APAF1: variants seen among roughly 807,000 people sequenced by gnomAD.
APAF1 encodes apoptotic peptidase activating factor 1.
A neutral mutation model predicts 152.4 loss-of-function variants in APAF1; 91 were observed. That is an observed-to-expected ratio of 0.60 (90% CI 0.50 to 0.71). APAF1 has a LOEUF of 0.71. APAF1 is among the 30% of genes least tolerant of loss of function. The pLI, the probability that APAF1 is intolerant of heterozygous loss-of-function variation, is 0.00. For synonymous variants in APAF1, 484 were observed against 494.1 expected (o/e 0.98, Z 0.27); for missense variants, 1,283 against 1,472.0 (o/e 0.87, Z 2.10).
At chr12:98,684,406 A>C (rs1593064375) in intron 15 of APAF1, among the ~76,000 whole-genome samples, 15 of 130,410 alleles carry the variant, frequency 1.2e-4, no homozygotes, top group African/African-American at 1.7e-4. Context: ...CTCTCCCTCT[A>C]TCCCTTTCCC....
chr12:98,649,612 A>G lies in APAF1; in HGVS notation c.454A>G (p.Ile152Val). The G allele has an allele frequency of 6.2e-7, 1 of 1,614,182 alleles. No individual in the cohort carries two copies. The highest frequency in any genetic ancestry group is 1.3e-5 in the African/African-American group (1 of 75,070). Reference sequence around the variant, plus strand: ...GAAAGGTGAACCAGGATGGGTCACCATACATGGAATGGCAGGCTGTGGGAA... The same window carrying G: ...GAAAGGTGAACCAGGATGGGTCACCGTACATGGAATGGCAGGCTGTGGGAA... The part of the protein sequence containing the change: ...KLKGEPGWVT[I>V]HGMAGCGKSV... The change falls in exon 4 of 27, where the codon ATA (isoleucine) becomes GTA (valine). Residue 152 changes from isoleucine to valine, a missense_variant. Coordinates refer to ENST00000551964, the MANE Select transcript of APAF1 (RefSeq NM_181861.2).
intron 14 of APAF1, among the ~76,000 whole-genome samples, chr12:98,681,325 G>T (rs545126539): frequency 6.6e-6 from 1 of 152,280 alleles, no homozygotes; most frequent in Admixed American, 6.5e-5. Context: ...GACTCCCAAA[G>T]TGCTGAGATT....
In APAF1 at chr12:98,694,164, TAAA is replaced by T. The variant is rs983349886; in HGVS notation, c.2305-5242_2305-5240del. On this transcript the variant is annotated intron_variant, in intron 16 of 26. Transcript: ENST00000551964. ...ATTTAAATATATGACCTCAAGCTAT[TAAA>T]ATCCTAGAAGAAAACCTAGGAAATA... 3.1e-3 allele frequency among the ~76,000 whole-genome samples: 472 copies of T among 152,310 alleles called. 4 individuals are homozygous for T. The highest frequency in any genetic ancestry group is 0.011 in the African/African-American group (453 of 41,574).
chr12:98,673,448 A>C (rs944975595), intron 12 of APAF1, among the ~76,000 whole-genome samples: 30 of 151,864 alleles, frequency 2.0e-4, no homozygotes, highest in African/African-American at 3.4e-4. Context: ...AAAACAAAAA[A>C]AAAAAAAACA....
intron 17 of APAF1, 42 bp from the exon 18 acceptor site, chr12:98,703,328 TA>T (rs1565884591): frequency 6.2e-7 from 1 of 1,607,590 alleles, no homozygotes; most frequent in Admixed American, 1.7e-5. Flanking sequence ...GCTTATCTCT[TA>T]AAGTATTTTA....
At chr12:98,701,784 C>G (rs1025569324) in intron 17 of APAF1, among the ~76,000 whole-genome samples, 1 of 152,132 alleles carries the variant, frequency 6.6e-6, no homozygotes, top group Non-Finnish European at 1.5e-5. Context: ...ATTTCTTACC[C>G]TTTGGTCTCT....
rs369419996 is a variant in APAF1 at position 98,648,614 on chromosome 12, A to G, written c.139-12A>G. ...TTCATTGTTGTATACTAAACTACTTAATTTTTTTTAGCCCACTCAACAGCA... is the reference window on the plus strand; with the variant it reads ...TTCATTGTTGTATACTAAACTACTTGATTTTTTTTAGCCCACTCAACAGCA... On this transcript the variant is annotated splice_polypyrimidine_tract_variant and intron_variant, in intron 2 of 26. Transcript: ENST00000551964. 2 of 1,613,022 alleles carry G rather than the reference A, an allele frequency of 1.2e-6. No individual in the cohort carries two copies. Among genetic ancestry groups the G allele is most frequent in the Non-Finnish European group, 1.7e-6 (2 of 1,179,674 alleles).
chr12:98,686,906 A>C, intron 16 of APAF1, 33 bp downstream of exon 16: 10 of 1,604,492 alleles, frequency 6.2e-6, no homozygotes, highest in Non-Finnish European at 8.5e-6. Context: ...AATAGGTTGT[A>C]TTTTATGGAA....
intron 20 of APAF1, among the ~76,000 whole-genome samples, chr12:98,709,773 T>A (rs1593097531): frequency 6.6e-6 from 1 of 152,182 alleles, no homozygotes; most frequent in African/African-American, 2.4e-5. Context: ...GGAGGTGGCA[T>A]GGCTTTTATG....
intron 14 of APAF1, among the ~76,000 whole-genome samples, chr12:98,682,044 A>AT (rs1201758624): frequency 0.017 from 2,460 of 140,700 alleles, 82 homozygotes; most frequent in African/African-American, 0.064. Flanking sequence ...ATGATGATTA[A>AT]TTTTTTTGTT....
intron 15 of APAF1, 95 bp downstream of exon 15, chr12:98,683,369 C>T: frequency 8.1e-7 from 1 of 1,240,490 alleles, no homozygotes; most frequent in Non-Finnish European, 1.2e-6. Context: ...TTAGGACTTT[C>T]TGGTCACAAT....
At chr12:98,716,437 C>T (rs1472128374) in intron 22 of APAF1, among the ~76,000 whole-genome samples, 5 of 152,160 alleles carry the variant, frequency 3.3e-5, no homozygotes, top group Admixed American at 6.5e-5. Flanking sequence ...TTTGCCTTAA[C>T]GCAATTTAGG....
At chr12:98,698,352 C>T (rs919871820) in intron 16 of APAF1, among the ~76,000 whole-genome samples, 1 of 152,084 alleles carries the variant, frequency 6.6e-6, no homozygotes, top group African/African-American at 2.4e-5. Flanking sequence ...TGTACCCAGC[C>T]TGATTTTCAT....
intron 10 of APAF1, among the ~76,000 whole-genome samples, chr12:98,670,560 A>C (rs1457747920): frequency 6.6e-6 from 1 of 151,940 alleles, no homozygotes; most frequent in Non-Finnish European, 1.5e-5. Context: ...TCTTGAGTTT[A>C]ATTTATATTG....
chr12:98,686,089 C>G (rs1312230698), intron 15 of APAF1, among the ~76,000 whole-genome samples: 1 of 152,172 alleles, frequency 6.6e-6, no homozygotes, highest in African/African-American at 2.4e-5. Flanking sequence ...TTGTAATATA[C>G]TTGGTCCATG....
intron 14 of APAF1, among the ~76,000 whole-genome samples, chr12:98,682,543 G>A (rs1415862979): frequency 1.3e-5 from 2 of 152,212 alleles, no homozygotes; most frequent in Non-Finnish European, 2.9e-5. Context: ...CAGTAATAGG[G>A]TTGAAAGCTG....
At chr12:98,713,931 T>C (rs2097731008) in intron 21 of APAF1, among the ~76,000 whole-genome samples, 1 of 152,262 alleles carries the variant, frequency 6.6e-6, no homozygotes, top group Non-Finnish European at 1.5e-5. Flanking sequence ...TGTCATGGAT[T>C]GAGAGTTCAG....
chr12:98,670,715 A>G (rs1389094323), intron 10 of APAF1: 1 of 285,366 alleles, frequency 3.5e-6, no homozygotes, highest in Non-Finnish European at 6.5e-6. Context: ...AAAAATATTT[A>G]TTTTTATTTT....
In APAF1 at chr12:98,662,348, A is replaced by T. The variant is rs559743585; in HGVS notation, c.711-108A>T. 21 of 824,808 alleles carry T rather than the reference A, an allele frequency of 2.5e-5. No homozygotes were observed. In the African/African-American group the frequency reaches 2.8e-4, roughly 11 times the overall value. The allele number at this position is 824,808 out of a possible 1,614,324, so 51.1% of individuals were successfully genotyped here. A position where few individuals can be genotyped will look rare whatever the true frequency, so the allele number is the denominator to read the frequency against. ...CTAGATCTAGCCATCTATTTGTTTT[A>T]AAAAAAATTTAATTTGGTAGATTTT... On this transcript the variant is annotated intron_variant, in intron 5 of 26. Coordinates refer to ENST00000551964, the MANE Select transcript of APAF1 (RefSeq NM_181861.2).
Sources: gnomAD v4.1 joint callset for allele counts (sites outside exome capture counted in the v4.1 genomes callset) on GRCh38, gnomAD v4.1.1 for gene constraint, MANE v1.5 for transcripts, NCBI Gene and HGNC (gene_info 2026-07-23, HGNC 2026-07-21) for gene names.